Variants in MZT1 observed in about 807,000 individuals in gnomAD.
The protein encoded by MZT1 is mitotic spindle organizing protein 1.
MZT1 carries 8 observed loss-of-function variants against 8.5 expected under a neutral mutation model. The observed-to-expected ratio is 0.94, with a 90% confidence interval of 0.55 to 1.70. The LOEUF is 1.70. MZT1 is among the 40% of genes most tolerant of loss of function. The pLI is 0.00. For synonymous variants in MZT1, 38 were observed against 42.0 expected (o/e 0.90, Z 0.37); for missense variants, 93 against 108.6 (o/e 0.86, Z 0.64).
At chr13:72,716,416 C>T (rs542761384) in intron 2 of MZT1, among the ~76,000 whole-genome samples, 2 of 151,902 alleles carry the variant, frequency 1.3e-5, no homozygotes, top group Non-Finnish European at 2.9e-5. Flanking sequence ...TGTGGTTTAC[C>T]CTTTTTAGTT....
At chr13:72,715,698 T>TA (rs1362285786) in intron 2 of MZT1, among the ~76,000 whole-genome samples, 4 of 152,132 alleles carry the variant, frequency 2.6e-5, no homozygotes, top group African/African-American at 7.2e-5. Context: ...AGTGAATTCT[T>TA]AAGAGTTATG....
Position 72,710,118 on chromosome 13 carries a change from A to G in MZT1, c.*204T>C, listed in dbSNP as rs1473126730. The stretch of plus-strand genomic sequence containing the variant: ...TTAGAGCTGTTAAAAAAAGTGAATA[A>G]GATGTGATGTAAACACATCTGATAG... On this transcript the variant is annotated 3_prime_UTR_variant, in exon 3 of 3. Coordinates refer to ENST00000377818, the MANE Select transcript of MZT1 (RefSeq NM_001071775.3). 4.1e-5 allele frequency: 23 copies of G among 554,384 alleles called. No homozygotes were observed. Among genetic ancestry groups the G allele is most frequent in the Non-Finnish European group, 9.7e-6 (3 of 310,418 alleles). The allele number at this position is 554,384 out of a possible 1,614,324, so 34.3% of individuals were successfully genotyped here. A position where few individuals can be genotyped will look rare whatever the true frequency, so the allele number is the denominator to read the frequency against.
chr13:72,711,425 A>G (rs1156943983), intron 2 of MZT1, among the ~76,000 whole-genome samples: 1 of 152,176 alleles, frequency 6.6e-6, no homozygotes, highest in Admixed American at 6.5e-5. Flanking sequence ...GACCACATCA[A>G]TATACAAATC....
intron 1 of MZT1, 29 bp from the exon 2 acceptor site, chr13:72,719,126 C>T (rs780789899): frequency 7.6e-7 from 1 of 1,314,162 alleles, no homozygotes; most frequent in Non-Finnish European, 1.0e-6. Context: ...AAAAAAAAAA[C>T]TTAAGGCTTA....
intron 2 of MZT1, among the ~76,000 whole-genome samples, chr13:72,710,879 C>G (rs7989805): frequency 6.6e-6 from 1 of 152,060 alleles, no homozygotes; most frequent in African/African-American, 2.4e-5. Flanking sequence ...TTTCTAGAGA[C>G]TTAAACAAAT....
rs1393628140 is a variant in MZT1 at position 72,709,443 on chromosome 13, T to C, written c.*879A>G. ...AAATAACCATTCAAGATTTATTAGGTAAGCACTAAAATTACTTTTATGTAA... is the reference window on the plus strand; with the variant it reads ...AAATAACCATTCAAGATTTATTAGGCAAGCACTAAAATTACTTTTATGTAA... On this transcript the variant is annotated 3_prime_UTR_variant, in exon 3 of 3. Transcript: ENST00000377818. The C allele has an allele frequency of 1.3e-5, 2 of 152,034 alleles. No homozygotes were observed. The highest frequency in any genetic ancestry group is 4.8e-5 in the African/African-American group (2 of 41,446). 9.4% of individuals were successfully genotyped at this position (152,034 alleles called of 1,614,324 possible). A position where few individuals can be genotyped will look rare whatever the true frequency, so the allele number is the denominator to read the frequency against.
chr13:72,715,579 T>A (rs1036188947), intron 2 of MZT1, among the ~76,000 whole-genome samples: 1 of 152,174 alleles, frequency 6.6e-6, no homozygotes, highest in East Asian at 1.9e-4. Flanking sequence ...AATGTTGTAA[T>A]CTCCATTGTA....
At chr13:72,717,232 AC>A (rs1445617587) in intron 2 of MZT1, among the ~76,000 whole-genome samples, 1 of 152,104 alleles carries the variant, frequency 6.6e-6, no homozygotes, top group Non-Finnish European at 1.5e-5. Flanking sequence ...TACACCTTCC[AC>A]AATTTGCTTG....
intron 2 of MZT1, among the ~76,000 whole-genome samples, chr13:72,717,747 G>A (rs1020211977): frequency 1.3e-5 from 2 of 152,050 alleles, no homozygotes; most frequent in Non-Finnish European, 2.9e-5. Flanking sequence ...TACATTTCTA[G>A]CAACATTCTG....
chr13:72,725,185 C>G (rs893367123), intron 1 of MZT1, among the ~76,000 whole-genome samples: 2 of 151,820 alleles, frequency 1.3e-5, no homozygotes, highest in African/African-American at 2.4e-5. Context: ...TAGAGAGTAC[C>G]TAACATACCA....
chr13:72,712,721 G>A (rs951292990), intron 2 of MZT1, among the ~76,000 whole-genome samples: 4 of 152,138 alleles, frequency 2.6e-5, no homozygotes, highest in East Asian at 3.8e-4. Context: ...CTTATATTTT[G>A]CCTAAGAAAA....
rs1408390311 is a variant in MZT1, at chr13:72,727,564, G to A, written c.39C>T (p.Ala13=). The change falls in exon 1 of 3, where the codon GCC becomes GCT. Residue 13 remains alanine, a synonymous_variant. Coordinates refer to ENST00000377818, the MANE Select transcript of MZT1 (RefSeq NM_001071775.3). Reference sequence around the variant, plus strand: ...GCACCGCATTCAGATTCGCCGCCGCGGCCGCCGCCGCCGCCCCAGCACCGC... The same window carrying A: ...GCACCGCATTCAGATTCGCCGCCGCAGCCGCCGCCGCCGCCCCAGCACCGC... ...SSSGAGAAAA[A]AAANLNAVRE... is the part of the protein sequence containing the mutation. 1 of 1,592,998 alleles carries A rather than the reference G, an allele frequency of 6.3e-7. No individual in the cohort carries two copies. Among genetic ancestry groups the A allele is most frequent in the Non-Finnish European group, 8.6e-7 (1 of 1,165,528 alleles).
chr13:72,726,368 T>G (rs1458824504), intron 1 of MZT1, among the ~76,000 whole-genome samples: 1 of 151,022 alleles, frequency 6.6e-6, no homozygotes, highest in African/African-American at 2.4e-5. Context: ...GAGGCGGAGG[T>G]TGCAGTGAGC....
chr13:72,714,789 C>T (rs938725222), intron 2 of MZT1, among the ~76,000 whole-genome samples: 1 of 152,236 alleles, frequency 6.6e-6, no homozygotes, highest in African/African-American at 2.4e-5. Context: ...AGTACAATGG[C>T]TGAGGCTTGG....
chr13:72,713,582 GA>G (rs1408648042), intron 2 of MZT1, among the ~76,000 whole-genome samples: 2 of 152,120 alleles, frequency 1.3e-5, no homozygotes, highest in Non-Finnish European at 2.9e-5. Flanking sequence ...ATCATGAGAA[GA>G]AAAAAAGTCT....
intron 1 of MZT1, among the ~76,000 whole-genome samples, chr13:72,727,247 A>T (rs2032679873): frequency 1.3e-5 from 2 of 152,118 alleles, no homozygotes; most frequent in Non-Finnish European, 2.9e-5. Context: ...GATGCGGGAT[A>T]GAGGGGGCGC....
chr13:72,727,278 G>A (rs1157671299), intron 1 of MZT1, among the ~76,000 whole-genome samples: 1 of 152,204 alleles, frequency 6.6e-6, no homozygotes, highest in African/African-American at 2.4e-5. Flanking sequence ...CGAGAGGGAC[G>A]CGGTGCGCAA....
chr13:72,717,020 G>T (rs962967399), intron 2 of MZT1, among the ~76,000 whole-genome samples: 3 of 152,186 alleles, frequency 2.0e-5, no homozygotes, highest in African/African-American at 7.2e-5. Flanking sequence ...CAGTGTTTGT[G>T]TTGAGATGGT....
At chr13:72,710,568 T>C (rs1285007638) in intron 2 of MZT1, among the ~76,000 whole-genome samples, 1 of 152,192 alleles carries the variant, frequency 6.6e-6, no homozygotes, top group African/African-American at 2.4e-5. Flanking sequence ...AAAATAGTTA[T>C]ATCACCTAAA....
Sources: gnomAD v4.1 joint callset for allele counts (sites outside exome capture counted in the v4.1 genomes callset) on GRCh38, gnomAD v4.1.1 for gene constraint, MANE v1.5 for transcripts, NCBI Gene and HGNC (gene_info 2026-07-23, HGNC 2026-07-21) for gene names.